Variants in SLC39A11 observed in about 807,000 individuals in gnomAD.
SLC39A11 encodes zinc transporter ZIP11.
In SLC39A11, 33 loss-of-function variants were observed where a neutral mutation model predicts 36.1. The ratio of observed to expected loss-of-function variants is 0.91; its 90% CI spans 0.69 to 1.22. The LOEUF (loss-of-function observed/expected upper bound fraction) is 1.22, where lower values mean the gene tolerates loss of function less well. Ranked by LOEUF, SLC39A11 falls within the 50% of genes most tolerant of loss-of-function variation. SLC39A11 has a pLI of 0.00. For synonymous variants in SLC39A11, 166 were observed against 170.3 expected (o/e 0.97, Z 0.20); for missense variants, 432 against 430.3 (o/e 1.00, Z -0.03).
intron 7 of SLC39A11, among the ~76,000 whole-genome samples, chr17:72,679,400 T>G (rs983493324): frequency 6.6e-6 from 1 of 152,026 alleles, no homozygotes; most frequent in Non-Finnish European, 1.5e-5. Context: ...ACCTATCAAT[T>G]AAAAATAAAA....
chr17:72,990,567 G>C (rs1488399161), intron 4 of SLC39A11, among the ~76,000 whole-genome samples: 2 of 152,120 alleles, frequency 1.3e-5, no homozygotes, highest in African/African-American at 4.8e-5. Context: ...TGGAGCTACA[G>C]GTGCACGCCA....
At chr17:72,701,727 C>CAAAAAAAAAAAAAAA (rs57220008) in intron 7 of SLC39A11, among the ~76,000 whole-genome samples, 2 of 88,850 alleles carry the variant, frequency 2.3e-5, no homozygotes, top group South Asian at 4.5e-4. Context: ...GATTCTGTCT[C>CAAAAAAAAAAAAAAA]AAAAAAAAAA....
At chr17:72,989,683 T>A (rs1247124073) in intron 4 of SLC39A11, among the ~76,000 whole-genome samples, 1 of 152,244 alleles carries the variant, frequency 6.6e-6, no homozygotes, top group East Asian at 1.9e-4. Context: ...AAGACTGTTT[T>A]TCTTATTCCA....
At chr17:72,793,963 A>G (rs77100239) in intron 6 of SLC39A11, among the ~76,000 whole-genome samples, 2,798 of 151,862 alleles carry the variant, frequency 0.018, 107 homozygotes, top group African/African-American at 0.061. Context: ...AGAGAAGAAC[A>G]AAGAGTCTTC....
intron 5 of SLC39A11, among the ~76,000 whole-genome samples, chr17:72,923,336 T>C (rs867720812): frequency 1.3e-5 from 2 of 152,166 alleles, no homozygotes; most frequent in African/African-American, 4.8e-5. Context: ...TAAACAGGTA[T>C]GGCCAATGTG....
chr17:72,900,122 A>AG (rs2082273835), intron 5 of SLC39A11, among the ~76,000 whole-genome samples: 1 of 138,686 alleles, frequency 7.2e-6, no homozygotes, highest in Admixed American at 7.0e-5. Context: ...AGAAAGAAAG[A>AG]AAAGAAAGAA....
At chr17:72,825,876 T>G (rs1327070543) in intron 6 of SLC39A11, among the ~76,000 whole-genome samples, 3 of 152,238 alleles carry the variant, frequency 2.0e-5, no homozygotes, top group Non-Finnish European at 4.4e-5. Context: ...TAGAAGTAAC[T>G]GACTGGGTTT....
chr17:73,044,566 G>C (rs1232757555), intron 3 of SLC39A11, among the ~76,000 whole-genome samples: 2 of 152,138 alleles, frequency 1.3e-5, no homozygotes, highest in Non-Finnish European at 2.9e-5. Context: ...AGCTCTTTCA[G>C]GGATGTTAGA....
At chr17:72,811,577 G>C (rs985132348) in intron 6 of SLC39A11, among the ~76,000 whole-genome samples, 4 of 152,212 alleles carry the variant, frequency 2.6e-5, no homozygotes, top group African/African-American at 9.6e-5. Flanking sequence ...GCATAGCTTA[G>C]TCTTTCTTCT....
At chr17:73,040,912 G>C (rs2059085799) in intron 3 of SLC39A11, among the ~76,000 whole-genome samples, 1 of 149,952 alleles carries the variant, frequency 6.7e-6, no homozygotes, top group South Asian at 2.1e-4. Flanking sequence ...TCAAACCCAG[G>C]AGGCAGAGGT....
At chr17:73,047,238 A>G (rs1052748723) in intron 3 of SLC39A11, among the ~76,000 whole-genome samples, 67 of 151,828 alleles carry the variant, frequency 4.4e-4, no homozygotes, top group South Asian at 8.4e-4. Flanking sequence ...GTTAGCCAGG[A>G]TGGTCTCGAT....
At chr17:72,707,775 C>CG (rs750678628) in intron 7 of SLC39A11, among the ~76,000 whole-genome samples, 1 of 152,164 alleles carries the variant, frequency 6.6e-6, no homozygotes, top group Non-Finnish European at 1.5e-5. Flanking sequence ...GCAAAGCGTA[C>CG]GGCATGGAAT....
chr17:72,835,890 C>A (rs2078519051), intron 6 of SLC39A11, among the ~76,000 whole-genome samples: 1 of 152,230 alleles, frequency 6.6e-6, no homozygotes, highest in Non-Finnish European at 1.5e-5. Flanking sequence ...CATTTGGTGG[C>A]TCCAGGATCC....
At chr17:73,038,543 A>G (rs2058999857) in intron 3 of SLC39A11, among the ~76,000 whole-genome samples, 1 of 124,878 alleles carries the variant, frequency 8.0e-6, no homozygotes, top group Admixed American at 8.0e-5. Flanking sequence ...TACTAAAAAT[A>G]CAAAAAAAAA....
chr17:72,802,000 T>G (rs1402199963), intron 6 of SLC39A11, among the ~76,000 whole-genome samples: 1 of 152,178 alleles, frequency 6.6e-6, no homozygotes, highest in Non-Finnish European at 1.5e-5. Context: ...AGAATAACAG[T>G]TCCGTAGAAT....
intron 7 of SLC39A11, among the ~76,000 whole-genome samples, chr17:72,705,415 G>A (rs1227942391): frequency 6.6e-6 from 1 of 152,126 alleles, no homozygotes; most frequent in Non-Finnish European, 1.5e-5. Context: ...TAATTTCATA[G>A]AATTGGTTCC....
chr17:73,034,022 C>A (rs2143113691), intron 3 of SLC39A11, among the ~76,000 whole-genome samples: 1 of 152,268 alleles, frequency 6.6e-6, no homozygotes, highest in East Asian at 1.9e-4. Flanking sequence ...TGAGGCTGAT[C>A]CGTTCAACTC....
chr17:72,740,056 C>CTTTTTTTTTTTTTTTTT (rs386386565), intron 6 of SLC39A11, among the ~76,000 whole-genome samples: 1 of 81,462 alleles, frequency 1.2e-5, no homozygotes, highest in Non-Finnish European at 2.1e-5. Context: ...CTTTCCTTTT[C>CTTTTTTTTTTTTTTTTT]TTTTTTTTTT....
intron 5 of SLC39A11, among the ~76,000 whole-genome samples, chr17:72,863,229 C>T (rs2080133795): frequency 6.6e-6 from 1 of 152,196 alleles, no homozygotes; most frequent in South Asian, 2.1e-4. Context: ...ATTTTACACA[C>T]CTTGCCCCAA....
Sources: gnomAD v4.1 joint callset for allele counts (sites outside exome capture counted in the v4.1 genomes callset) on GRCh38, gnomAD v4.1.1 for gene constraint, MANE v1.5 for transcripts, NCBI Gene and HGNC (gene_info 2026-07-23, HGNC 2026-07-21) for gene names.